FSTL5: variants seen among roughly 807,000 people sequenced by gnomAD.
FSTL5 encodes follistatin like 5.
FSTL5 carries 62 observed loss-of-function variants against 89.1 expected under a neutral mutation model. The observed-to-expected ratio is 0.70, with a 90% confidence interval of 0.57 to 0.86. The LOEUF (loss-of-function observed/expected upper bound fraction) is 0.86, where lower values mean the gene tolerates loss of function less well. FSTL5 is among the 40% of genes least tolerant of loss of function. FSTL5 has a pLI of 0.00. For synonymous variants in FSTL5, 383 were observed against 346.2 expected, an observed-to-expected ratio of 1.11 and a Z score of -1.18; for missense variants, 1,057 against 1,001.6, an observed-to-expected ratio of 1.06 and a Z score of -0.75.
At chr4:161,990,390 A>C (rs10028551) in intron 3 of FSTL5, among the ~76,000 whole-genome samples, 51,460 of 152,000 alleles carry the variant, frequency 0.34, 10,025 homozygotes, top group Non-Finnish European at 0.42. Context: ...TAAAGTGACA[A>C]ATTTTATAAT....
At chr4:161,401,248 C>T (rs1352254866) in intron 15 of FSTL5, among the ~76,000 whole-genome samples, 1 of 152,156 alleles carries the variant, frequency 6.6e-6, no homozygotes, top group Non-Finnish European at 1.5e-5. Context: ...AGTAGCCTTT[C>T]TCTGATGTCT....
intron 6 of FSTL5, among the ~76,000 whole-genome samples, chr4:161,664,260 C>G (rs1736811993): frequency 2.0e-5 from 3 of 152,206 alleles, no homozygotes; most frequent in Non-Finnish European, 1.5e-5. Flanking sequence ...TCTTTCTTTT[C>G]TATCGCATAG....
intron 15 of FSTL5, among the ~76,000 whole-genome samples, chr4:161,441,004 T>C (rs1732743172): frequency 6.6e-6 from 1 of 152,150 alleles, no homozygotes; most frequent in Non-Finnish European, 1.5e-5. Context: ...GTTTATTATT[T>C]GATTACTGAC....
At chr4:161,887,499 TA>T (rs1732852264) in intron 4 of FSTL5, among the ~76,000 whole-genome samples, 1 of 152,062 alleles carries the variant, frequency 6.6e-6, no homozygotes, top group Admixed American at 6.6e-5. Context: ...TCATCTCTCA[TA>T]TTTATACCAC....
chr4:162,136,812 T>TA lies in FSTL5; in HGVS notation c.-16-25401dup, dbSNP rs528754540. Among the ~76,000 whole-genome samples, 301 of 151,332 alleles carry TA rather than the reference T, an allele frequency of 2.0e-3. 2 individuals carry two copies. Among genetic ancestry groups the TA allele is most frequent in the South Asian group, 0.016 (76 of 4,782 alleles). On this transcript the variant is annotated intron_variant, in intron 1 of 15. Transcript: ENST00000306100. ...AAATAAGGTTTGGAAATGCTGAGATTAAAAAAAAATCCTGAAACATTTCTC... is the reference window on the plus strand; with the variant it reads ...AAATAAGGTTTGGAAATGCTGAGATTAAAAAAAAAATCCTGAAACATTTCTC...
At chr4:161,994,929 T>C (rs573354535) in intron 3 of FSTL5, among the ~76,000 whole-genome samples, 6 of 152,352 alleles carry the variant, frequency 3.9e-5, no homozygotes, top group Non-Finnish European at 5.9e-5. Flanking sequence ...GTGATTGCTT[T>C]TGGTGTCTTT....
intron 3 of FSTL5, among the ~76,000 whole-genome samples, chr4:162,028,517 C>T (rs974549950): frequency 3.3e-5 from 5 of 152,180 alleles, no homozygotes; most frequent in Non-Finnish European, 7.4e-5. Context: ...GCGGAGGTTG[C>T]AGTGAGCTGA....
intron 4 of FSTL5, among the ~76,000 whole-genome samples, chr4:161,843,574 T>C (rs1731276617): frequency 6.6e-6 from 1 of 152,110 alleles, no homozygotes; most frequent in Admixed American, 6.6e-5. Context: ...CAAAACAGCA[T>C]GGTACTGGTA....
intron 4 of FSTL5, among the ~76,000 whole-genome samples, chr4:161,881,416 C>T (rs1452626351): frequency 6.6e-6 from 1 of 151,662 alleles, no homozygotes; most frequent in African/African-American, 2.4e-5. Context: ...AAGAACATGG[C>T]AAACTAATTA....
At chr4:161,636,811 C>CAT (rs1412167233) in intron 7 of FSTL5, among the ~76,000 whole-genome samples, 2 of 136,192 alleles carry the variant, frequency 1.5e-5, no homozygotes, top group Admixed American at 7.6e-5. Flanking sequence ...TTTATGGCTG[C>CAT]ATAGTATTCC....
chr4:161,922,803 G>T (rs1269955789), intron 3 of FSTL5, among the ~76,000 whole-genome samples: 1 of 143,416 alleles, frequency 7.0e-6, no homozygotes, highest in African/African-American at 2.6e-5. Context: ...AAGATACTAG[G>T]AAAAGAAATT....
rs894716980 is a variant in FSTL5 at position 161,481,447 on chromosome 4, C to G, written c.1459-278G>C. ...CATTTTTTTTCCTACTTGGTTATAA[C>G]TCAGCAACTTCAGAAAGTCCAACAT... On this transcript the variant is annotated intron_variant, in intron 12 of 15. Coordinates refer to ENST00000306100, the MANE Select transcript of FSTL5 (RefSeq NM_020116.5). 4.9e-4 allele frequency among the ~76,000 whole-genome samples: 75 copies of G among 151,824 alleles called. 1 individual carries two copies. Among genetic ancestry groups the G allele is most frequent in the Non-Finnish European group, 1.6e-4 (11 of 67,968 alleles).
At chr4:161,470,262 C>T (rs529075459) in intron 13 of FSTL5, among the ~76,000 whole-genome samples, 3 of 151,936 alleles carry the variant, frequency 2.0e-5, no homozygotes, top group African/African-American at 7.2e-5. Context: ...ATTTTGTGTT[C>T]GTTTTTATTT....
intron 12 of FSTL5, among the ~76,000 whole-genome samples, chr4:161,491,794 C>T (rs1456711184): frequency 1.3e-5 from 2 of 148,526 alleles, no homozygotes; most frequent in Non-Finnish European, 3.0e-5. Flanking sequence ...GAGTTGAGAA[C>T]ATGCCACTGA....
chr4:161,880,412 A>G (rs115127656), intron 4 of FSTL5, among the ~76,000 whole-genome samples: 3,160 of 152,198 alleles, frequency 0.021, 109 homozygotes, highest in African/African-American at 0.069. Context: ...TCATTCATAA[A>G]AAAACAAACT....
chr4:161,415,321 T>C (rs565246876), intron 15 of FSTL5, among the ~76,000 whole-genome samples: 38 of 152,248 alleles, frequency 2.5e-4, no homozygotes, highest in Admixed American at 9.8e-4. Flanking sequence ...AATGATGCAA[T>C]CTCTGCTCAC....
rs183580331 is a variant in FSTL5 at position 161,419,439 on chromosome 4, A to G, written c.1842-32990T>C. Among the ~76,000 whole-genome samples, 427 of 152,336 alleles carry G rather than the reference A, an allele frequency of 2.8e-3. 3 individuals are homozygous for G. The highest frequency in any genetic ancestry group is 8.9e-3 in the South Asian group (43 of 4,828). On this transcript the variant is annotated intron_variant, in intron 15 of 15. Transcript: ENST00000306100. ...GCACCAGCCAATAAAGAAAGAAAAA[A>G]GGAAGAAAATACTCCTAAAGAAAAG...
intron 4 of FSTL5, among the ~76,000 whole-genome samples, chr4:161,890,816 A>G (rs1021638010): frequency 6.6e-6 from 1 of 152,166 alleles, no homozygotes; most frequent in Non-Finnish European, 1.5e-5. Flanking sequence ...AATGAAAACC[A>G]TAAGAAAATC....
At chr4:161,668,946 T>C (rs965170013) in intron 6 of FSTL5, among the ~76,000 whole-genome samples, 3 of 151,652 alleles carry the variant, frequency 2.0e-5, no homozygotes, top group African/African-American at 4.8e-5. Context: ...ACCCCGTCTC[T>C]ACTAAAAATA....
Sources: gnomAD v4.1 joint callset for allele counts (sites outside exome capture counted in the v4.1 genomes callset) on GRCh38, gnomAD v4.1.1 for gene constraint, MANE v1.5 for transcripts, NCBI Gene and HGNC (gene_info 2026-07-23, HGNC 2026-07-21) for gene names.